Variants in DNER observed in about 807,000 individuals in gnomAD.
The protein encoded by DNER is delta/notch like EGF repeat containing, also known as delta and Notch-like epidermal growth factor-related receptor.
A neutral mutation model predicts 78.2 loss-of-function variants in DNER; 33 were observed. The ratio of observed to expected loss-of-function variants is 0.42; its 90% CI spans 0.32 to 0.56. DNER has a LOEUF of 0.56. Among genes scored for constraint, DNER ranks in the 20% least tolerant of loss-of-function variants. DNER has a pLI of 0.11. For synonymous variants in DNER, 417 were observed against 384.8 expected (o/e 1.08, Z -0.98); for missense variants, 918 against 975.3 (o/e 0.94, Z 0.78).
At chr2:229,509,659 C>G (rs191789100) in intron 6 of DNER, among the ~76,000 whole-genome samples, 1 of 152,082 alleles carries the variant, frequency 6.6e-6, no homozygotes, top group Non-Finnish European at 1.5e-5. Flanking sequence ...ACTAAAAGTA[C>G]AAAAATTACC....
intron 6 of DNER, among the ~76,000 whole-genome samples, chr2:229,484,663 T>C (rs941320441): frequency 4.3e-4 from 66 of 152,170 alleles, no homozygotes; most frequent in African/African-American, 1.3e-3. Context: ...GTTATACCTC[T>C]GAAGGTGTGA....
intron 6 of DNER, among the ~76,000 whole-genome samples, chr2:229,496,887 G>C (rs1695513915): frequency 6.6e-6 from 1 of 152,074 alleles, no homozygotes; most frequent in Admixed American, 6.6e-5. Flanking sequence ...CAAAAATAGA[G>C]AGACTATACA....
rs1696644371 is a variant in DNER at position 229,547,156 on chromosome 2, A to C, written c.848-64T>G. On this transcript the variant is annotated intron_variant, in intron 4 of 12. Transcript: ENST00000341772. ...TCCTCTTTAAAGGCAGTGTGTTGAAAGCTTTACCAACAGCCTTTCTACAAG... is the reference window on the plus strand; with the variant it reads ...TCCTCTTTAAAGGCAGTGTGTTGAACGCTTTACCAACAGCCTTTCTACAAG... 4.4e-6 allele frequency: 7 copies of C among 1,588,792 alleles called. No homozygotes were observed. The South Asian group carries it at 8.0e-5, about 18-fold the overall frequency.
chr2:229,366,338 C>T (rs1049048228), intron 12 of DNER, among the ~76,000 whole-genome samples: 2 of 152,170 alleles, frequency 1.3e-5, no homozygotes, highest in Non-Finnish European at 2.9e-5. Flanking sequence ...GTCATTAAGA[C>T]TCAAAGCTAT....
intron 8 of DNER, among the ~76,000 whole-genome samples, chr2:229,432,054 T>G (rs1694017389): frequency 6.6e-6 from 1 of 152,214 alleles, no homozygotes; most frequent in Non-Finnish European, 1.5e-5. Context: ...CAAATGTTTG[T>G]AATACCATGA....
rs181845325 is a variant in DNER, at chr2:229,426,122, A to C, written c.1487-7892T>G. 2.2e-4 allele frequency among the ~76,000 whole-genome samples: 33 copies of C among 152,218 alleles called. No individual in the cohort carries two copies. In the East Asian group the frequency reaches 6.0e-3, roughly 28 times the overall value. On this transcript the variant is annotated intron_variant, in intron 8 of 12. Transcript: ENST00000341772. ...AGTCTAGGCCAGTTCCTGGGAGATC[A>C]AATATTCCACCTCACCCATAGTAGT...
chr2:229,544,078 G>GAA (rs200365741), intron 5 of DNER, among the ~76,000 whole-genome samples: 10 of 151,622 alleles, frequency 6.6e-5, no homozygotes, highest in African/African-American at 2.4e-4. Flanking sequence ...AATTAAAAAA[G>GAA]AAAAAAAATA....
At chr2:229,618,936 C>A (rs1698209893) in intron 1 of DNER, among the ~76,000 whole-genome samples, 1 of 152,000 alleles carries the variant, frequency 6.6e-6, no homozygotes, top group Non-Finnish European at 1.5e-5. Flanking sequence ...GAGTTCTAGA[C>A]CAGGCTGAGC....
intron 9 of DNER, 67 bp from the exon 10 acceptor site, chr2:229,407,412 CAA>C (rs745726921): frequency 2.1e-6 from 3 of 1,436,290 alleles, no homozygotes; most frequent in Non-Finnish European, 2.9e-6. Flanking sequence ...CCTCTGAAAG[CAA>C]AGTCGGAACT....
intron 11 of DNER, among the ~76,000 whole-genome samples, chr2:229,381,202 C>A (rs1692727313): frequency 6.6e-6 from 1 of 151,930 alleles, no homozygotes; most frequent in Admixed American, 6.5e-5. Context: ...CCAAGGGAAG[C>A]CATGAGGGAC....
chr2:229,418,127 C>A lies in DNER; in HGVS notation c.1590G>T (p.Val530=). 1 of 1,614,172 alleles carries A rather than the reference C, an allele frequency of 6.2e-7. No individual in the cohort carries two copies. Among genetic ancestry groups the A allele is most frequent in the Non-Finnish European group, 8.5e-7 (1 of 1,180,004 alleles). The change falls in exon 9 of 13, where the codon GTG becomes GTT. Residue 530 remains valine (V), a synonymous_variant. Coordinates refer to ENST00000341772, the MANE Select transcript of DNER (RefSeq NM_139072.4). ...CRDLVNGYEC[V]CLAEYKGTHC... Reference sequence around the variant, plus strand: ...TCTCACCTTTGTATTCTGCCAGGCACACACACTCATAGCCATTAACGAGGT... The same window carrying A: ...TCTCACCTTTGTATTCTGCCAGGCAAACACACTCATAGCCATTAACGAGGT...
At chr2:229,555,591 A>G (rs539667421) in intron 4 of DNER, among the ~76,000 whole-genome samples, 1 of 152,286 alleles carries the variant, frequency 6.6e-6, no homozygotes, top group Non-Finnish European at 1.5e-5. Flanking sequence ...GGCTTCTTAT[A>G]CCACCTTTAC....
chr2:229,677,109 A>T (rs1699312390), intron 1 of DNER, among the ~76,000 whole-genome samples: 1 of 152,098 alleles, frequency 6.6e-6, no homozygotes, highest in Non-Finnish European at 1.5e-5. Context: ...TTCTCCTCAC[A>T]GCTTCACTAT....
chr2:229,507,012 G>A (rs1695758994), intron 6 of DNER, among the ~76,000 whole-genome samples: 1 of 152,122 alleles, frequency 6.6e-6, no homozygotes, highest in Admixed American at 6.5e-5. Flanking sequence ...ATACAGGATA[G>A]CCTATTGCTC....
intron 8 of DNER, among the ~76,000 whole-genome samples, chr2:229,425,418 C>T (rs529661676): frequency 4.3e-4 from 65 of 152,260 alleles, no homozygotes; most frequent in African/African-American, 1.5e-3. Flanking sequence ...GCCCTACAGC[C>T]TTGACCAGTT....
intron 5 of DNER, among the ~76,000 whole-genome samples, chr2:229,544,237 G>T (rs1696573924): frequency 6.6e-6 from 1 of 152,094 alleles, no homozygotes; most frequent in Admixed American, 6.5e-5. Flanking sequence ...AGAGCAGACT[G>T]GTCCAAAGTG....
intron 6 of DNER, among the ~76,000 whole-genome samples, chr2:229,497,689 A>C (rs1438127538): frequency 6.6e-6 from 1 of 152,138 alleles, no homozygotes; most frequent in South Asian, 2.1e-4. Flanking sequence ...AACCAGTAAT[A>C]CACCAACAAA....
intron 1 of DNER, among the ~76,000 whole-genome samples, chr2:229,655,389 C>G (rs16826294): frequency 6.6e-6 from 1 of 151,990 alleles, no homozygotes; most frequent in Non-Finnish European, 1.5e-5. Flanking sequence ...TAAAAACCTC[C>G]TGGAGTGTTA....
At chr2:229,448,708 A>G (rs1694392048) in intron 7 of DNER, among the ~76,000 whole-genome samples, 1 of 152,228 alleles carries the variant, frequency 6.6e-6, no homozygotes, top group Non-Finnish European at 1.5e-5. Flanking sequence ...ATGTAGGTAT[A>G]TATGTTTAAC....
Sources: allele counts gnomAD v4.1 joint callset (sites outside exome capture counted in the v4.1 genomes callset), GRCh38; gene constraint gnomAD v4.1.1; transcripts MANE v1.5; gene names NCBI Gene and HGNC (gene_info 2026-07-23, HGNC 2026-07-21).